The following PTPRE variants were observed in gnomAD, a reference collection of about 807,000 sequenced individuals.
PTPRE encodes receptor-type tyrosine-protein phosphatase epsilon.
In PTPRE, 51 loss-of-function variants were observed where a neutral mutation model predicts 102.0. The observed-to-expected ratio is 0.50, with a 90% CI of 0.40 to 0.63. The LOEUF (loss-of-function observed/expected upper bound fraction) is 0.63, where lower values mean the gene tolerates loss of function less well. Ranked by LOEUF, PTPRE falls within the 30% of genes least tolerant of loss-of-function variation. PTPRE has a pLI of 0.00. For synonymous variants in PTPRE, 345 were observed against 348.2 expected, an observed-to-expected ratio of 0.99 and a Z score of 0.10; for missense variants, 752 against 915.1, an observed-to-expected ratio of 0.82 and a Z score of 2.30.
chr10:128,011,595 C>T (rs1263135753), intron 2 of PTPRE, among the ~76,000 whole-genome samples: 1 of 152,272 alleles, frequency 6.6e-6, no homozygotes, highest in South Asian at 2.1e-4. Context: ...GACCCCATCC[C>T]TAATGCTTCC....
At chr10:128,021,445 A>G (rs1447759842) in intron 2 of PTPRE, among the ~76,000 whole-genome samples, 1 of 152,172 alleles carries the variant, frequency 6.6e-6, no homozygotes, top group Non-Finnish European at 1.5e-5. Flanking sequence ...GTGGGATTTA[A>G]TGGACTCTGA....
At chr10:127,991,223 A>G (rs1467980703) in intron 2 of PTPRE, among the ~76,000 whole-genome samples, 1 of 152,236 alleles carries the variant, frequency 6.6e-6, no homozygotes, top group East Asian at 1.9e-4. Context: ...ATTCAAAGGC[A>G]TCACTATTTT....
rs1846454822 is a variant in PTPRE at position 128,028,586 on chromosome 10, C to A, written c.-7-12289C>A. 6.6e-6 allele frequency among the ~76,000 whole-genome samples: 1 copy of A among 152,136 alleles called. No homozygotes were observed. ...CACTGCCTCGCTGCAGGAGGCTGGC[C>A]CTCAGCGCCCAGCAGAAGCGGCAGC... On this transcript the variant is annotated intron_variant, in intron 2 of 20. Transcript: ENST00000254667. The surrounding 1 kb of genome is among the most constrained non-coding windows in gnomAD (Gnocchi z 4.5).
intron 2 of PTPRE, among the ~76,000 whole-genome samples, chr10:127,988,812 T>G (rs1361364987): frequency 1.3e-5 from 2 of 152,190 alleles, no homozygotes; most frequent in Non-Finnish European, 2.9e-5. Context: ...CCTGCACACA[T>G]ACTCTCGAAT....
chr10:127,975,512 T>C (rs1460719636), intron 1 of PTPRE, among the ~76,000 whole-genome samples: 1 of 152,212 alleles, frequency 6.6e-6, no homozygotes, highest in African/African-American at 2.4e-5. Context: ...CAGCCGAGTG[T>C]CAAGATCATC....
chr10:127,991,006 G>A (rs1405374437), intron 2 of PTPRE, among the ~76,000 whole-genome samples: 1 of 152,172 alleles, frequency 6.6e-6, no homozygotes, highest in East Asian at 1.9e-4. Context: ...CTGGCAAATG[G>A]TTCCGGGGGC....
At chr10:127,917,121 A>G (rs1846264173) in intron 1 of PTPRE, among the ~76,000 whole-genome samples, 1 of 151,816 alleles carries the variant, frequency 6.6e-6, no homozygotes, top group Non-Finnish European at 1.5e-5. Context: ...TGAGAGGATG[A>G]GAGTGAGAAC....
intron 1 of PTPRE, among the ~76,000 whole-genome samples, chr10:127,933,689 A>T (rs1589766780): frequency 6.6e-6 from 1 of 152,220 alleles, no homozygotes; most frequent in Non-Finnish European, 1.5e-5. Context: ...CTGGCATTTA[A>T]CAGAGAAAGT....
chr10:128,067,397 CACAT>C (rs898799659), intron 11 of PTPRE, among the ~76,000 whole-genome samples: 6 of 91,572 alleles, frequency 6.6e-5, no homozygotes, highest in African/African-American at 1.9e-4. Flanking sequence ...TGTGCACACA[CACAT>C]ACACGCACAT....
intron 9 of PTPRE, 29 bp downstream of exon 9, chr10:128,061,744 T>A: frequency 1.3e-6 from 2 of 1,573,186 alleles, no homozygotes; most frequent in Non-Finnish European, 1.7e-6. Flanking sequence ...TCTCAACGTA[T>A]TTTTGGTAAC....
chr10:128,067,445 TGCA>T (rs1850344185), intron 11 of PTPRE, among the ~76,000 whole-genome samples: 1 of 149,062 alleles, frequency 6.7e-6, no homozygotes, highest in Admixed American at 6.6e-5. Context: ...CATTCACACA[TGCA>T]CACACATGCA....
chr10:127,949,054 T>G (rs1013249718), intron 1 of PTPRE, among the ~76,000 whole-genome samples: 1 of 152,258 alleles, frequency 6.6e-6, no homozygotes, highest in Non-Finnish European at 1.5e-5. Context: ...TTCCAGAACT[T>G]ACACCAGTGC....
intron 12 of PTPRE, chr10:128,068,594 C>G (rs1404278884): frequency 4.4e-6 from 1 of 226,858 alleles, no homozygotes; most frequent in Non-Finnish European, 8.6e-6. Flanking sequence ...CAAGTCACCT[C>G]TGGGAACCAA....
chr10:127,988,696 G>T (rs77493834), intron 2 of PTPRE, among the ~76,000 whole-genome samples: 3 of 152,136 alleles, frequency 2.0e-5, no homozygotes, highest in Non-Finnish European at 4.4e-5. Flanking sequence ...GGAGGGAGGA[G>T]AGCAAGGGTT....
rs1851979541 is a variant in PTPRE at position 128,084,787 on chromosome 10, G to C, written c.*1881G>C. 6.3e-6 allele frequency: 1 copy of C among 158,454 alleles called. No individual in the cohort carries two copies. The highest frequency in any genetic ancestry group is 2.4e-5 in the African/African-American group (1 of 41,078). The allele number at this position is 158,454 out of a possible 1,614,324, so 9.8% of individuals were successfully genotyped here. A position where few individuals can be genotyped will look rare whatever the true frequency, so the allele number is the denominator to read the frequency against. On this transcript the variant is annotated 3_prime_UTR_variant, in exon 21 of 21. Coordinates refer to ENST00000254667, the MANE Select transcript of PTPRE (RefSeq NM_006504.6). ...CACCTGAACCCTAGAAAAAGAGCCA[G>C]TTTGCTACGATGAAGGTGACATTTC...
chr10:128,054,734 G>A (rs1465443199), intron 6 of PTPRE, among the ~76,000 whole-genome samples: 2 of 152,034 alleles, frequency 1.3e-5, no homozygotes, highest in Non-Finnish European at 2.9e-5. Context: ...AATTGGAGAA[G>A]CTTCCTGCCC....
At chr10:127,939,419 G>C (rs1407746462) in intron 1 of PTPRE, among the ~76,000 whole-genome samples, 1 of 152,172 alleles carries the variant, frequency 6.6e-6, no homozygotes, top group African/African-American at 2.4e-5. Flanking sequence ...TTTTCAAACA[G>C]GGATCTCACA....
chr10:127,993,972 CAGA>C (rs1441849053), intron 2 of PTPRE, among the ~76,000 whole-genome samples: 1 of 152,170 alleles, frequency 6.6e-6, no homozygotes, highest in Non-Finnish European at 1.5e-5. Flanking sequence ...CGGGATGGAG[CAGA>C]AGGTGGGCCA....
intron 1 of PTPRE, among the ~76,000 whole-genome samples, chr10:127,933,136 T>C (rs1243952608): frequency 6.6e-6 from 1 of 152,116 alleles, no homozygotes; most frequent in Non-Finnish European, 1.5e-5. Context: ...CAGTCAGCCG[T>C]TTAGCAAACA....
Sources: allele counts gnomAD v4.1 joint callset (sites outside exome capture counted in the v4.1 genomes callset), GRCh38; gene constraint gnomAD v4.1.1; non-coding constraint Gnocchi (gnomAD v3.1); transcripts MANE v1.5; gene names NCBI Gene and HGNC (gene_info 2026-07-23, HGNC 2026-07-21).